The following DNAH9 variants were observed in gnomAD, a reference collection of about 807,000 sequenced individuals.
The protein encoded by DNAH9 is DNAH9 variant protein.
DNAH9 carries 345 observed loss-of-function variants against 471.6 expected under a neutral mutation model. That is an observed-to-expected ratio of 0.73 (90% CI 0.67 to 0.80). The LOEUF (loss-of-function observed/expected upper bound fraction) is 0.80. Ranked by LOEUF, DNAH9 falls within the 30% of genes least tolerant of loss-of-function variation. The probability of loss-of-function intolerance (pLI) is 0.00; values close to 1 mark genes in which losing one functional copy is unlikely to be tolerated. For missense variants in DNAH9, 5,407 were observed against 5,609.2 expected, an observed-to-expected ratio of 0.96 and a Z score of 1.15; for synonymous variants, 2,093 against 2,123.6, an observed-to-expected ratio of 0.99 and a Z score of 0.40.
At chr17:11,947,397 TA>T (rs1975165992) in intron 67 of DNAH9, among the ~76,000 whole-genome samples, 1 of 152,192 alleles carries the variant, frequency 6.6e-6, no homozygotes, top group African/African-American at 2.4e-5. Flanking sequence ...GACAAGTTCT[TA>T]GACTTTTAAT....
intron 27 of DNAH9, among the ~76,000 whole-genome samples, chr17:11,721,232 G>A (rs529479671): frequency 4.6e-5 from 7 of 152,268 alleles, no homozygotes; most frequent in South Asian, 2.1e-4. Context: ...TAAAAGTACA[G>A]GGTGAACGGG....
chr17:11,947,885 G>A (rs554513849), intron 67 of DNAH9, among the ~76,000 whole-genome samples: 1 of 148,226 alleles, frequency 6.7e-6, no homozygotes, highest in Non-Finnish European at 1.5e-5. Flanking sequence ...GGGTTCAAGC[G>A]ATTCTCCTGC....
intron 9 of DNAH9, among the ~76,000 whole-genome samples, chr17:11,637,796 C>G (rs570221800): frequency 2.0e-5 from 3 of 152,116 alleles, no homozygotes; most frequent in Admixed American, 2.0e-4. Context: ...GTAACTCTTC[C>G]TTCCTCCCCA....
intron 30 of DNAH9, among the ~76,000 whole-genome samples, chr17:11,743,366 T>C (rs7212179): frequency 0.11 from 17,125 of 152,260 alleles, 1,041 homozygotes; most frequent in East Asian, 0.24. Flanking sequence ...CAAGCACCCA[T>C]ATCTTTTGCT....
At chr17:11,779,181 C>T (rs1307126015) in intron 38 of DNAH9, among the ~76,000 whole-genome samples, 2 of 152,064 alleles carry the variant, frequency 1.3e-5, no homozygotes, top group Non-Finnish European at 2.9e-5. Flanking sequence ...AATGTACAGA[C>T]GACCTTGGGC....
intron 39 of DNAH9, among the ~76,000 whole-genome samples, 189 bp from the exon 40 acceptor site, chr17:11,783,457 T>A (rs1390124105): frequency 6.6e-6 from 1 of 152,200 alleles, no homozygotes; most frequent in Non-Finnish European, 1.5e-5. Context: ...CTATGCTATT[T>A]CCTTAGATAT....
chr17:11,772,407 C>T (rs1031583629), intron 38 of DNAH9, among the ~76,000 whole-genome samples: 18 of 152,152 alleles, frequency 1.2e-4, no homozygotes, highest in Non-Finnish European at 2.2e-4. Context: ...GTCATTCTCA[C>T]TCTGGATCTC....
chr17:11,811,601 C>T (rs1969903528), intron 45 of DNAH9, among the ~76,000 whole-genome samples: 1 of 152,180 alleles, frequency 6.6e-6, no homozygotes, highest in South Asian at 2.1e-4. Flanking sequence ...AGTCTCATCA[C>T]TCCAACCTCA....
intron 27 of DNAH9, among the ~76,000 whole-genome samples, chr17:11,720,544 C>G (rs192433472): frequency 6.6e-6 from 1 of 151,930 alleles, no homozygotes; most frequent in Non-Finnish European, 1.5e-5. Context: ...AATAAATTTG[C>G]AGTGAAAAAA....
At chr17:11,622,499 C>T (rs939861792) in intron 6 of DNAH9, among the ~76,000 whole-genome samples, 1 of 152,130 alleles carries the variant, frequency 6.6e-6, no homozygotes. Flanking sequence ...CCAGCCCCAG[C>T]CCATGCCTGG....
At position 11,867,764 on chromosome 17, in the gene DNAH9, A is replaced by G. The variant is rs573787970; in HGVS notation, c.9934-1370A>G. ...GGTTGACTGGTAGAATTTGTTTTCA[A>G]AATCTGATGAGTTATGCCAAGATGT... On this transcript the variant is annotated intron_variant, in intron 50 of 68. Transcript: ENST00000262442. Among the ~76,000 whole-genome samples the G allele has an allele frequency of 9.2e-4, 140 of 152,334 alleles. 1 individual carries two copies. Among genetic ancestry groups the G allele is most frequent in the African/African-American group, 3.3e-3 (136 of 41,574 alleles).
At chr17:11,929,586 C>T (rs959663714) in intron 62 of DNAH9, among the ~76,000 whole-genome samples, 1 of 152,206 alleles carries the variant, frequency 6.6e-6, no homozygotes, top group African/African-American at 2.4e-5. Context: ...GAGGTCCTCA[C>T]TACTGGGCAT....
rs369639590 is a variant in DNAH9, at chr17:11,863,233, G to A, written c.9934-5901G>A. Among the ~76,000 whole-genome samples, 17 of 152,242 alleles carry A rather than the reference G, an allele frequency of 1.1e-4. No individual in the cohort carries two copies. The East Asian group carries it at 1.4e-3, about 12-fold the overall frequency. The stretch of plus-strand genomic sequence containing the variant: ...TTATTGAGAGTTTTTAGCATGAAGC[G>A]TTGTTGAATTTTGTCAAAGGCCTTT... On this transcript the variant is annotated intron_variant, in intron 50 of 68. Coordinates refer to ENST00000262442, the MANE Select transcript of DNAH9 (RefSeq NM_001372.4).
At chr17:11,611,833 A>T in intron 4 of DNAH9, 53 bp downstream of exon 4, 4 of 1,580,636 alleles carry the variant, frequency 2.5e-6, no homozygotes, top group Non-Finnish European at 3.5e-6. Context: ...TTACCGTCGA[A>T]TGATGCATTC....
At chr17:11,691,300 G>T (rs2074328975) in intron 20 of DNAH9, among the ~76,000 whole-genome samples, 1 of 152,200 alleles carries the variant, frequency 6.6e-6, no homozygotes, top group Non-Finnish European at 1.5e-5. Flanking sequence ...GAATAAGCCA[G>T]ATTTTATTCA....
In DNAH9 at chr17:11,784,400, C is replaced by T. The variant is rs368792132; in HGVS notation, c.7922C>T (p.Pro2641Leu). The change falls in exon 41 of 69, where the codon CCG becomes CTG. Residue 2641 changes from proline (P) to leucine (L), a missense_variant. Transcript: ENST00000262442. ...CAGCATCTGAAGCTCGGAAACTTCC[C>T]GGCGTCCCTGCAGAAATCCATCCCC... Reference protein sequence around the residue: ...LTQHLKLGNFPASLQKSIPPL... With the variant: ...LTQHLKLGNFLASLQKSIPPL... 31 of 1,614,082 alleles carry T rather than the reference C, an allele frequency of 1.9e-5. No individual in the cohort carries two copies. Among genetic ancestry groups the T allele is most frequent in the Non-Finnish European group, 2.4e-5 (28 of 1,180,044 alleles).
intron 29 of DNAH9, 118 bp downstream of exon 29, chr17:11,739,155 T>C: frequency 9.8e-7 from 1 of 1,017,058 alleles, no homozygotes; most frequent in Non-Finnish European, 1.4e-6. Context: ...AAAGTAGATT[T>C]GTAACAACCT....
intron 48 of DNAH9, among the ~76,000 whole-genome samples, chr17:11,830,814 C>G (rs1970663170): frequency 6.6e-6 from 1 of 152,140 alleles, no homozygotes. Context: ...GCATGATATT[C>G]TGTACATCTT....
intron 42 of DNAH9, 136 bp downstream of exon 42, chr17:11,793,800 A>C: frequency 1.3e-6 from 1 of 760,848 alleles, no homozygotes; most frequent in Non-Finnish European, 2.0e-6. Flanking sequence ...TTCTGTCATA[A>C]TTTTGCCCAG....
Sources: allele counts gnomAD v4.1 joint callset (sites outside exome capture counted in the v4.1 genomes callset), GRCh38; gene constraint gnomAD v4.1.1; transcripts MANE v1.5; gene names NCBI Gene and HGNC (gene_info 2026-07-23, HGNC 2026-07-21).